Variants in KIF1B observed in about 807,000 individuals in gnomAD.
The protein encoded by KIF1B is kinesin-like protein KIF1B.
KIF1B carries 76 observed loss-of-function variants against 241.9 expected under a neutral mutation model. The ratio of observed to expected loss-of-function variants is 0.31; its 90% CI spans 0.26 to 0.38. KIF1B has a LOEUF of 0.38. Among genes scored for constraint, KIF1B ranks in the 10% least tolerant of loss-of-function variants. KIF1B has a pLI of 1.00. For missense variants in KIF1B, 1,622 were observed against 2,271.4 expected (o/e 0.71, Z 5.81); for synonymous variants, 750 against 796.7 (o/e 0.94, Z 0.99).
At chr1:10,302,225 A>G (rs79173228) in intron 22 of KIF1B, among the ~76,000 whole-genome samples, 2,647 of 152,232 alleles carry the variant, frequency 0.017, 90 homozygotes, top group African/African-American at 0.06. Context: ...CGGGTAATTT[A>G]TTTCTCAAAA....
At chr1:10,308,283 G>C in intron 22 of KIF1B, 1 of 1,059,942 alleles carries the variant, frequency 9.4e-7, no homozygotes, top group South Asian at 4.6e-5. Context: ...AGCCAAAATT[G>C]TGATGAGCAA....
At chr1:10,372,635 G>A (rs1410823269) in intron 45 of KIF1B, among the ~76,000 whole-genome samples, 6 of 128,558 alleles carry the variant, frequency 4.7e-5, no homozygotes, top group Non-Finnish European at 8.1e-5. Flanking sequence ...CCGAGATTGC[G>A]CCGCTGCGCG....
At chr1:10,373,650 T>TATAGGAATTTACAGAA (rs1294002857) in intron 45 of KIF1B, among the ~76,000 whole-genome samples, 6 of 151,794 alleles carry the variant, frequency 4.0e-5, no homozygotes, top group Non-Finnish European at 7.4e-5. Flanking sequence ...CAATACAGAG[T>TATAGGAATTTACAGAA]ATAGGAATTT....
intron 38 of KIF1B, chr1:10,355,230 T>C (rs1191408560): frequency 4.6e-5 from 7 of 152,344 alleles, no homozygotes; most frequent in African/African-American, 1.7e-4. Context: ...TGGGATTCTG[T>C]GTTAATTGTC....
At chr1:10,216,957 CTTTTTTTTTTTTTTTTTTTTTT>C (rs70998362) in intron 1 of KIF1B, among the ~76,000 whole-genome samples, 3 of 54,506 alleles carry the variant, frequency 5.5e-5, no homozygotes, top group Non-Finnish European at 9.9e-5. Context: ...TGCCCATTTT[CTTTTTTTTTTTTTTTTTTTTTT>C]TTTTTTTTTT....
intron 2 of KIF1B, 43 bp from the exon 3 acceptor site, chr1:10,256,204 T>A: frequency 8.3e-7 from 1 of 1,206,994 alleles, no homozygotes; most frequent in Non-Finnish European, 1.2e-6. Context: ...CTAAAGAACT[T>A]GTAATTGAGT....
At position 10,347,787 on chromosome 1, in the gene KIF1B, C is replaced by G. The variant is rs749610931; in HGVS notation, c.3824C>G (p.Thr1275Arg). 3.5e-5 allele frequency: 57 copies of G among 1,613,286 alleles called. No homozygotes were observed. The highest frequency in any genetic ancestry group is 4.7e-5 in the Non-Finnish European group (56 of 1,179,402). Residue 1275 changes from threonine to arginine, a missense_variant, in exon 36 of 49, where the codon ACA becomes AGA. Transcript: ENST00000676179. ...GEYIPAVVDH[T>R]AGLPCQGTFL... ...TATATCCCAGCTGTGGTTGACCACA[C>G]AGCAGGCTTGCCTTGCCAGGGGACA...
At chr1:10,257,108 T>G (rs1387214384) in intron 3 of KIF1B, among the ~76,000 whole-genome samples, 1 of 145,402 alleles carries the variant, frequency 6.9e-6, no homozygotes, top group East Asian at 1.9e-4. Flanking sequence ...GAGAAATTGT[T>G]TTTTTTTTGT....
At chr1:10,238,761 C>T (rs1241553465) in intron 2 of KIF1B, among the ~76,000 whole-genome samples, 1 of 151,968 alleles carries the variant, frequency 6.6e-6, no homozygotes, top group Non-Finnish European at 1.5e-5. Context: ...GAAAGTAATG[C>T]ATTTAAATTT....
At chr1:10,253,811 C>T (rs1313800898) in intron 2 of KIF1B, among the ~76,000 whole-genome samples, 1 of 152,184 alleles carries the variant, frequency 6.6e-6, no homozygotes, top group Non-Finnish European at 1.5e-5. Context: ...AGAACCATGT[C>T]TCCTTGTCAC....
At chr1:10,375,214 C>T (rs1638848869) in intron 47 of KIF1B, 41 bp from the exon 48 acceptor site, 2 of 1,556,668 alleles carry the variant, frequency 1.3e-6, no homozygotes, top group East Asian at 2.2e-5. Flanking sequence ...CCATTGCTGT[C>T]TCTGTAGTAA....
At chr1:10,233,578 C>T (rs1647010021) in intron 2 of KIF1B, among the ~76,000 whole-genome samples, 1 of 151,972 alleles carries the variant, frequency 6.6e-6, no homozygotes, top group East Asian at 1.9e-4. Context: ...TCTTCTATGT[C>T]AACATTGCCA....
chr1:10,282,973 G>A (rs1429744984), intron 15 of KIF1B, among the ~76,000 whole-genome samples: 2 of 152,066 alleles, frequency 1.3e-5, no homozygotes, highest in Non-Finnish European at 2.9e-5. Flanking sequence ...TTGGGAGGCC[G>A]AGGCGGGGTG....
rs1248340827 is a variant in KIF1B at position 10,374,743 on chromosome 1, C to G, written c.5097-111C>G. On this transcript the variant is annotated intron_variant, in intron 46 of 48. Coordinates refer to ENST00000676179, the MANE Select transcript of KIF1B (RefSeq NM_001365951.3). The surrounding 1 kb of genome is among the most constrained non-coding windows in gnomAD (Gnocchi z 4.3). ...ATTCTAGGCCAAATAGGTCATTTGC[C>G]TGTTTCATCGAATCTAAGGACTTGG... The G allele has an allele frequency of 5.1e-5, 55 of 1,086,878 alleles. No individual in the cohort carries two copies. Among genetic ancestry groups the G allele is most frequent in the Non-Finnish European group, 7.4e-5 (53 of 715,038 alleles). 67.3% of individuals were successfully genotyped at this position (1,086,878 alleles called of 1,614,324 possible).
At chr1:10,332,285 C>G (rs1028335370) in intron 27 of KIF1B, among the ~76,000 whole-genome samples, 4 of 151,450 alleles carry the variant, frequency 2.6e-5, no homozygotes, top group African/African-American at 9.7e-5. Context: ...AGGCTGGTCT[C>G]GAACTCCTGA....
Position 10,275,515 on chromosome 1 carries a change from A to G in KIF1B, c.958+12A>G, listed in dbSNP as rs201335550. ...TCGAGAAAATTTAGGTATGTTGACC[A>G]CTAGTGAAAAGTAGTTATCTTTTTA... On this transcript the variant is annotated intron_variant, in intron 11 of 48. Transcript: ENST00000676179. 2 of 1,408,014 alleles carry G rather than the reference A, an allele frequency of 1.4e-6. No individual in the cohort carries two copies. The highest frequency in any genetic ancestry group is 1.0e-6 in the Non-Finnish European group (1 of 992,334). 87.2% of individuals were successfully genotyped at this position (1,408,014 alleles called of 1,614,324 possible).
intron 27 of KIF1B, among the ~76,000 whole-genome samples, chr1:10,332,025 T>C (rs2102308742): frequency 6.6e-6 from 1 of 152,316 alleles, no homozygotes; most frequent in African/African-American, 2.4e-5. Context: ...CGCAAACCTT[T>C]TAGGCATCAA....
rs958552265 is a variant in KIF1B at position 10,378,858 on chromosome 1, G to A, written c.*2271G>A. The A allele has an allele frequency of 2.1e-5, 5 of 238,166 alleles. No individual in the cohort carries two copies. The highest frequency in any genetic ancestry group is 1.3e-3 in the Middle Eastern group (1 of 788). The allele number at this position is 238,166 out of a possible 1,614,324, so 14.8% of individuals were successfully genotyped here. ...CGTCTGCACCTGAAAAGTGACCCGC[G>A]GAAACTCTATGGCGGATTTTTTTTT... On this transcript the variant is annotated 3_prime_UTR_variant, in exon 49 of 49. Coordinates refer to ENST00000676179, the MANE Select transcript of KIF1B (RefSeq NM_001365951.3).
chr1:10,379,179 C>T lies in KIF1B; in HGVS notation c.*2592C>T. On this transcript the variant is annotated 3_prime_UTR_variant, in exon 49 of 49. Transcript: ENST00000676179. Reference sequence around the variant, plus strand: ...GAGGATCCATGTCTGTGACACAGGACGGTGGGAAGCCTGAGAGAGAGTGAA... The same window carrying T: ...GAGGATCCATGTCTGTGACACAGGATGGTGGGAAGCCTGAGAGAGAGTGAA... The T allele has an allele frequency of 4.3e-6, 1 of 232,238 alleles. No individual in the cohort carries two copies. The allele number at this position is 232,238 out of a possible 1,614,324, so 14.4% of individuals were successfully genotyped here.
Sources: gnomAD v4.1 joint callset for allele counts (sites outside exome capture counted in the v4.1 genomes callset) on GRCh38, gnomAD v4.1.1 for gene constraint, Gnocchi (gnomAD v3.1) non-coding constraint, MANE v1.5 for transcripts, NCBI Gene and HGNC (gene_info 2026-07-23, HGNC 2026-07-21) for gene names.